MCTP1: variants seen among roughly 807,000 people sequenced by gnomAD.
The protein encoded by MCTP1 is multiple C2 and transmembrane domain-containing protein 1.
A neutral mutation model predicts 120.6 loss-of-function variants in MCTP1; 69 were observed. The observed-to-expected ratio is 0.57, with a 90% CI of 0.47 to 0.70. MCTP1 has a LOEUF of 0.70. MCTP1 is among the 30% of genes least tolerant of loss of function. The probability of loss-of-function intolerance (pLI) is 0.00; values close to 1 mark genes in which losing one functional copy is unlikely to be tolerated. For synonymous variants in MCTP1, 529 were observed against 493.1 expected (o/e 1.07, Z -0.96); for missense variants, 1,203 against 1,248.8 (o/e 0.96, Z 0.55).
chr5:94,759,742 A>G (rs2152840923), intron 19 of MCTP1, among the ~76,000 whole-genome samples: 1 of 152,262 alleles, frequency 6.6e-6, no homozygotes, highest in African/African-American at 2.4e-5. Context: ...AACCTGTGTT[A>G]CTTAAATGCC....
Position 94,894,243 on chromosome 5 carries a change from C to A in MCTP1, c.1839+406G>T, listed in dbSNP as rs371302776. ...CCTGTGGATACTCTTTAGTTACCAG[C>A]GTACTAATTAACGTAAGTACCATTA... On this transcript the variant is annotated intron_variant, in intron 11 of 22. Transcript: ENST00000515393. Among the ~76,000 whole-genome samples, 7 of 152,290 alleles carry A rather than the reference C, an allele frequency of 4.6e-5. No homozygotes were observed. The South Asian group carries it at 1.2e-3, about 27-fold the overall frequency.
chr5:94,867,138 G>A lies in MCTP1; in HGVS notation c.2436+1195C>T, dbSNP rs893648003. 5 of 1,083,274 alleles carry A rather than the reference G, an allele frequency of 4.6e-6. No homozygotes were observed. The African/African-American group carries it at 4.8e-5, about 10-fold the overall frequency. The allele number at this position is 1,083,274 out of a possible 1,614,324, so 67.1% of individuals were successfully genotyped here. A position where few individuals can be genotyped will look rare whatever the true frequency, so the allele number is the denominator to read the frequency against. On this transcript the variant is annotated intron_variant, in intron 17 of 22. Transcript: ENST00000515393. ...CTGGCTAGGGAAAAATCAGAATAAAGTTTGCTTAATAGTACCACCATATAT... is the reference window on the plus strand; with the variant it reads ...CTGGCTAGGGAAAAATCAGAATAAAATTTGCTTAATAGTACCACCATATAT...
chr5:94,745,471 GTC>G (rs1766674298), intron 19 of MCTP1, among the ~76,000 whole-genome samples: 1 of 152,016 alleles, frequency 6.6e-6, no homozygotes, highest in Non-Finnish European at 1.5e-5. Flanking sequence ...GTCTCTTTTT[GTC>G]TCTTATTCCC....
chr5:94,748,237 T>C (rs149526659), intron 19 of MCTP1, among the ~76,000 whole-genome samples: 166 of 152,354 alleles, frequency 1.1e-3, no homozygotes, highest in African/African-American at 3.7e-3. Flanking sequence ...AGTTTCTTCA[T>C]CTTTTATAGG....
At chr5:95,164,469 A>G (rs1483451809) in intron 1 of MCTP1, among the ~76,000 whole-genome samples, 1 of 152,186 alleles carries the variant, frequency 6.6e-6, no homozygotes, top group Non-Finnish European at 1.5e-5. Flanking sequence ...CATACAGCAA[A>G]TTAATTACCT....
intron 1 of MCTP1, 139 bp from the exon 2 acceptor site, chr5:95,017,623 A>T (rs1303914180): frequency 1.7e-5 from 7 of 420,356 alleles, no homozygotes; most frequent in Non-Finnish European, 2.8e-5. Context: ...ATACAGTCTC[A>T]TAATCACTCA....
intron 4 of MCTP1, among the ~76,000 whole-genome samples, chr5:94,941,853 T>C (rs1465343770): frequency 6.6e-6 from 1 of 150,806 alleles, no homozygotes. Context: ...ACAACCAACC[T>C]GCCTCCACCT....
At chr5:95,164,592 A>C (rs2152482429) in intron 1 of MCTP1, among the ~76,000 whole-genome samples, 1 of 152,312 alleles carries the variant, frequency 6.6e-6, no homozygotes, top group South Asian at 2.1e-4. Flanking sequence ...ACAATAAATA[A>C]GTTTTAGTAT....
chr5:95,272,763 A>C (rs1169819840), intron 1 of MCTP1, among the ~76,000 whole-genome samples: 1 of 152,178 alleles, frequency 6.6e-6, no homozygotes, highest in Non-Finnish European at 1.5e-5. Flanking sequence ...AGAGAAAGCA[A>C]GGAAATCACA....
chr5:94,728,925 T>C (rs1163052752), intron 19 of MCTP1, among the ~76,000 whole-genome samples: 1 of 152,190 alleles, frequency 6.6e-6, no homozygotes, highest in Non-Finnish European at 1.5e-5. Flanking sequence ...ACCAACTACA[T>C]ATCAGACACT....
At chr5:94,769,054 C>T (rs1195124666) in intron 19 of MCTP1, among the ~76,000 whole-genome samples, 1 of 151,964 alleles carries the variant, frequency 6.6e-6, no homozygotes, top group Non-Finnish European at 1.5e-5. Flanking sequence ...TGCTATTTGG[C>T]CATAAAAAGG....
chr5:95,028,622 A>C (rs1839720811), intron 1 of MCTP1, among the ~76,000 whole-genome samples: 1 of 152,214 alleles, frequency 6.6e-6, no homozygotes, highest in Non-Finnish European at 1.5e-5. Context: ...CATACAGTAT[A>C]TAAAATAACC....
intron 1 of MCTP1, among the ~76,000 whole-genome samples, chr5:95,174,519 G>A (rs1747739228): frequency 6.6e-6 from 1 of 152,208 alleles, no homozygotes; most frequent in Non-Finnish European, 1.5e-5. Context: ...ATCAAATGGT[G>A]AGGTAGAATA....
chr5:94,958,445 A>G (rs899747732), intron 2 of MCTP1, among the ~76,000 whole-genome samples: 11 of 151,856 alleles, frequency 7.2e-5, no homozygotes, highest in African/African-American at 2.4e-4. Context: ...AGATAGAGAC[A>G]TGAAAAACCC....
intron 18 of MCTP1, among the ~76,000 whole-genome samples, chr5:94,793,887 T>A (rs1779465486): frequency 6.6e-6 from 1 of 152,190 alleles, no homozygotes; most frequent in Admixed American, 6.5e-5. Flanking sequence ...TGGCACAGAG[T>A]GCTGCTCTTA....
intron 1 of MCTP1, among the ~76,000 whole-genome samples, chr5:95,273,785 GA>G (rs1426871916): frequency 2.0e-5 from 3 of 152,062 alleles, no homozygotes; most frequent in East Asian, 1.9e-4. Context: ...TACCCAGGGG[GA>G]AAAAAGATGT....
chr5:94,929,950 G>C (rs1814128930), intron 6 of MCTP1, among the ~76,000 whole-genome samples: 1 of 152,030 alleles, frequency 6.6e-6, no homozygotes, highest in Admixed American at 6.6e-5. Context: ...AATCCCTTAG[G>C]CTAAAACCCA....
intron 1 of MCTP1, among the ~76,000 whole-genome samples, chr5:95,267,206 C>T (rs993470198): frequency 2.6e-5 from 4 of 152,184 alleles, no homozygotes; most frequent in Admixed American, 1.3e-4. Context: ...ACAAACAATA[C>T]ACATTTTTAA....
intron 1 of MCTP1, among the ~76,000 whole-genome samples, chr5:95,057,268 G>A (rs946055000): frequency 6.6e-6 from 1 of 152,130 alleles, no homozygotes; most frequent in South Asian, 2.1e-4. Context: ...GAAATGACTG[G>A]ATGTAAAAAC....
Sources: gnomAD v4.1 joint callset for allele counts (sites outside exome capture counted in the v4.1 genomes callset) on GRCh38, gnomAD v4.1.1 for gene constraint, MANE v1.5 for transcripts, NCBI Gene and HGNC (gene_info 2026-07-23, HGNC 2026-07-21) for gene names.